The following BEND3 variants were observed in gnomAD, a reference collection of about 807,000 sequenced individuals.
BEND3 encodes BEN domain-containing protein 3.
BEND3 carries 13 observed loss-of-function variants against 60.1 expected under a neutral mutation model. The ratio of observed to expected loss-of-function variants is 0.22; its 90% CI spans 0.14 to 0.34. The LOEUF (loss-of-function observed/expected upper bound fraction) is 0.34, where lower values mean the gene tolerates loss of function less well. BEND3 is among the 10% of genes least tolerant of loss of function. The pLI, the probability that BEND3 is intolerant of heterozygous loss-of-function variation, is 1.00. For synonymous variants in BEND3, 497 were observed against 491.5 expected, an observed-to-expected ratio of 1.01 and a Z score of -0.15; for missense variants, 896 against 1,138.1, an observed-to-expected ratio of 0.79 and a Z score of 3.06.
intron 1 of BEND3, among the ~76,000 whole-genome samples, chr6:107,103,150 A>G (rs1465997405): frequency 1.3e-5 from 2 of 152,142 alleles, no homozygotes; most frequent in Middle Eastern, 3.2e-3. Context: ...TCCACCCCAC[A>G]ATACAGAAAA....
Position 107,069,591 on chromosome 6 carries a change from T to C in BEND3, c.1600A>G (p.Ile534Val), listed in dbSNP as rs139102818. ...GGGATCTCTAACTTGTCGAAGTCGATGGGCACCAGCCAGATCTTCTTGGAG... is the reference window on the plus strand; with the variant it reads ...GGGATCTCTAACTTGTCGAAGTCGACGGGCACCAGCCAGATCTTCTTGGAG... ...RRSKKIWLVP[I>V]DFDKLEIPQP... The change falls in exon 4 of 4, where the codon ATC (isoleucine) becomes GTC (valine). Residue 534 changes from isoleucine to valine, a missense_variant. By Grantham distance (29) the Ile-to-Val change is conservative (BLOSUM62 3). Transcript: ENST00000369042. 5 of 1,612,642 alleles carry C rather than the reference T, an allele frequency of 3.1e-6. No individual in the cohort carries two copies. The highest frequency in any genetic ancestry group is 1.7e-5 in the Admixed American group (1 of 60,008).
At chr6:107,103,552 G>C (rs1775745127) in intron 1 of BEND3, among the ~76,000 whole-genome samples, 1 of 152,108 alleles carries the variant, frequency 6.6e-6, no homozygotes, top group African/African-American at 2.4e-5. Flanking sequence ...CTCAAATTAT[G>C]GGACAGTCAA....
rs1246763162 is a variant in BEND3, at chr6:107,115,125, C to G, written c.-47G>C. Reference sequence around the variant, plus strand: ...AGTTCTGTACTTTGCCGGGCGGGCCCGCGCCGAGTTTGGGCGCCACGTGGG... The same window carrying G: ...AGTTCTGTACTTTGCCGGGCGGGCCGGCGCCGAGTTTGGGCGCCACGTGGG... On this transcript the variant is annotated 5_prime_UTR_variant, in exon 1 of 4. Transcript: ENST00000369042. The G allele has an allele frequency of 1.3e-5, 2 of 149,876 alleles. No homozygotes were observed. Among genetic ancestry groups the G allele is most frequent in the Non-Finnish European group, 3.0e-5 (2 of 67,316 alleles). The allele number at this position is 149,876 out of a possible 1,614,324, so 9.3% of individuals were successfully genotyped here.
At chr6:107,094,201 A>G (rs1180886756) in intron 3 of BEND3, among the ~76,000 whole-genome samples, 3 of 151,600 alleles carry the variant, frequency 2.0e-5, no homozygotes, top group Non-Finnish European at 4.4e-5. Flanking sequence ...GCAAGATGCT[A>G]TCTCTATAAA....
intron 3 of BEND3, among the ~76,000 whole-genome samples, chr6:107,083,940 C>T (rs1272883728): frequency 6.6e-6 from 1 of 152,146 alleles, no homozygotes; most frequent in Non-Finnish European, 1.5e-5. Context: ...AAAAGCATCT[C>T]TACAATGGAA....
At chr6:107,096,581 A>C (rs1273464570) in intron 3 of BEND3, among the ~76,000 whole-genome samples, 4 of 152,172 alleles carry the variant, frequency 2.6e-5, no homozygotes, top group Non-Finnish European at 5.9e-5. Flanking sequence ...ACTGCACTCC[A>C]AGCCTGGGCC....
chr6:107,081,098 G>C (rs1334270177), intron 3 of BEND3, among the ~76,000 whole-genome samples: 2 of 152,088 alleles, frequency 1.3e-5, no homozygotes, highest in East Asian at 3.9e-4. Context: ...GTAGAGATGG[G>C]GGTTTCGCCA....
At chr6:107,073,053 T>C (rs935521692) in intron 3 of BEND3, among the ~76,000 whole-genome samples, 6 of 151,526 alleles carry the variant, frequency 4.0e-5, no homozygotes, top group Non-Finnish European at 7.4e-5. Flanking sequence ...TGACTCATAT[T>C]AGAGAAATGT....
In BEND3 at chr6:107,067,609, A is replaced by G. The variant is rs531232299; in HGVS notation, c.*1095T>C. On this transcript the variant is annotated 3_prime_UTR_variant, in exon 4 of 4. Coordinates refer to ENST00000369042, the MANE Select transcript of BEND3 (RefSeq NM_001367314.1). ...ATCTAAAATGGCCTGTGTCCTTCCA[A>G]TGCATGGTATCCCCAAGAGGGGCCC... The G allele has an allele frequency of 6.6e-6, 1 of 152,430 alleles. No individual in the cohort carries two copies. The highest frequency in any genetic ancestry group is 1.9e-4 in the East Asian group (1 of 5,182). 9.4% of individuals were successfully genotyped at this position (152,430 alleles called of 1,614,324 possible).
intron 3 of BEND3, among the ~76,000 whole-genome samples, chr6:107,097,903 T>C (rs1554236228): frequency 6.6e-6 from 1 of 152,084 alleles, no homozygotes; most frequent in Non-Finnish European, 1.5e-5. Context: ...GTTAAAATCT[T>C]AGTCTCATCA....
rs935405590 is a variant in BEND3 at position 107,072,723 on chromosome 6, G to A, written c.241-1773C>T. 2.4e-4 allele frequency among the ~76,000 whole-genome samples: 37 copies of A among 152,224 alleles called. 1 individual carries two copies. The highest frequency in any genetic ancestry group is 7.5e-4 in the African/African-American group (31 of 41,548). ...TGAACGGCTGGGCGTGGTGGCTCAC[G>A]CCTGTAATCCCAGCACTTTGGGAGG... On this transcript the variant is annotated intron_variant, in intron 3 of 3. Transcript: ENST00000369042.
At chr6:107,080,016 C>T (rs1762714) in intron 3 of BEND3, among the ~76,000 whole-genome samples, 58,354 of 151,568 alleles carry the variant, frequency 0.39, 11,203 homozygotes, top group East Asian at 0.46. Flanking sequence ...CAGGTATGAG[C>T]CACCACGCCT....
chr6:107,069,485 G>C lies in BEND3; in HGVS notation c.1706C>G (p.Ser569Cys). Residue 569 changes from serine (S) to cysteine (C), a missense_variant, in exon 4 of 4, where the codon TCC becomes TGC. Transcript: ENST00000369042. ...QLRSIYESSL[S>C]IGNFASRLLV... ...CAGGCGCGAGGCGAAGTTGCCGATG[G>C]ACAGGCTGCTCTCGTAGATGCTGCG... The C allele has an allele frequency of 6.2e-7, 1 of 1,613,026 alleles. No homozygotes were observed. Among genetic ancestry groups the C allele is most frequent in the South Asian group, 1.1e-5 (1 of 91,090 alleles).
intron 1 of BEND3, among the ~76,000 whole-genome samples, chr6:107,105,328 G>A (rs1273744096): frequency 2.7e-5 from 4 of 149,400 alleles, no homozygotes; most frequent in South Asian, 2.1e-4. Flanking sequence ...CCGAGATCGC[G>A]CCACTGCACT....
intron 2 of BEND3, among the ~76,000 whole-genome samples, chr6:107,099,007 CAG>C (rs1775649139): frequency 6.6e-6 from 1 of 151,882 alleles, no homozygotes; most frequent in African/African-American, 2.4e-5. Context: ...GGGGGGAAGA[CAG>C]TGGAAGGAGA....
At chr6:107,107,168 C>T (rs1207977151) in intron 1 of BEND3, among the ~76,000 whole-genome samples, 1 of 151,118 alleles carries the variant, frequency 6.6e-6, no homozygotes, top group Non-Finnish European at 1.5e-5. Flanking sequence ...AACTCCTGAC[C>T]TCAGCTGATC....
chr6:107,096,752 G>C (rs1322056921), intron 3 of BEND3, among the ~76,000 whole-genome samples: 1 of 152,214 alleles, frequency 6.6e-6, no homozygotes, highest in African/African-American at 2.4e-5. Flanking sequence ...CTCTTTGTAA[G>C]GTTATAAAAA....
At chr6:107,087,037 A>G (rs1175005763) in intron 3 of BEND3, among the ~76,000 whole-genome samples, 4 of 150,540 alleles carry the variant, frequency 2.7e-5, no homozygotes, top group East Asian at 3.9e-4. Flanking sequence ...AAAAAAAAAA[A>G]AAAAGAAAAA....
intron 1 of BEND3, among the ~76,000 whole-genome samples, chr6:107,102,526 G>A (rs559562967): frequency 1.3e-5 from 2 of 152,260 alleles, no homozygotes; most frequent in East Asian, 1.9e-4. Flanking sequence ...GTGCTGGTGC[G>A]GCTGCCTGGG....
Sources: allele counts gnomAD v4.1 joint callset (sites outside exome capture counted in the v4.1 genomes callset), GRCh38; gene constraint gnomAD v4.1.1; transcripts MANE v1.5; gene names NCBI Gene and HGNC (gene_info 2026-07-23, HGNC 2026-07-21).